Variants in PTP4A1 observed in about 807,000 individuals in gnomAD.
The protein encoded by PTP4A1 is protein tyrosine phosphatase 4A1.
A neutral mutation model predicts 20.5 loss-of-function variants in PTP4A1; 9 were observed. That is an observed-to-expected ratio of 0.44 (90% confidence interval 0.26 to 0.77). PTP4A1 has a LOEUF of 0.77. Ranked by LOEUF, PTP4A1 falls within the 30% of genes least tolerant of loss-of-function variation. The pLI, the probability that PTP4A1 is intolerant of heterozygous loss-of-function variation, is 0.19. For missense variants in PTP4A1, 137 were observed against 218.8 expected, an observed-to-expected ratio of 0.63 and a Z score of 2.36; for synonymous variants, 78 against 67.4, an observed-to-expected ratio of 1.16 and a Z score of -0.77.
chr6:63,565,149 A>G (rs1777134547), intron 3 of PTP4A1, among the ~76,000 whole-genome samples: 1 of 151,904 alleles, frequency 6.6e-6, no homozygotes. Context: ...GGGAGCTACA[A>G]CTACAGGAAT....
chr6:63,550,216 T>A lies in PTP4A1; in HGVS notation c.-639-84T>A, dbSNP rs570993479. On this transcript the variant is annotated intron_variant, in intron 2 of 3. Coordinates refer to the PTP4A1 transcript ENST00000639568. ...ACATAATAGATTCAAAACAAAATGCTTCATGAGCCCCTCCCTGGATTGCAA... is the reference window on the plus strand; with the variant it reads ...ACATAATAGATTCAAAACAAAATGCATCATGAGCCCCTCCCTGGATTGCAA... 3.3e-5 allele frequency: 5 copies of A among 152,242 alleles called. No individual in the cohort carries two copies. In the East Asian group the frequency reaches 9.6e-4, roughly 29 times the overall value. The allele number at this position is 152,242 out of a possible 1,614,324, so 9.4% of individuals were successfully genotyped here. A position where few individuals can be genotyped will look rare whatever the true frequency, so the allele number is the denominator to read the frequency against.
intron 3 of PTP4A1, among the ~76,000 whole-genome samples, chr6:63,565,562 T>C (rs1380429731): frequency 1.3e-5 from 2 of 152,240 alleles, no homozygotes. Context: ...AGGATTCATT[T>C]ATTAATATAA....
At chr6:63,550,456 C>G (rs984008262) in exon 3 of PTP4A1, 1 of 152,094 alleles carries the variant, frequency 6.6e-6, no homozygotes, top group Non-Finnish European at 1.5e-5. Context: ...GTTCTTCAGA[C>G]GACTCTACCT....
At chr6:63,552,389 T>G (rs1405066771) in intron 3 of PTP4A1, among the ~76,000 whole-genome samples, 1 of 152,212 alleles carries the variant, frequency 6.6e-6, no homozygotes, top group East Asian at 1.9e-4. Context: ...TTGTTTGTTT[T>G]TTTCTTGTAA....
At chr6:63,533,970 A>T (rs1170097365) in intron 2 of PTP4A1, among the ~76,000 whole-genome samples, 1 of 151,900 alleles carries the variant, frequency 6.6e-6, no homozygotes, top group Non-Finnish European at 1.5e-5. Context: ...CAGCCTCCCG[A>T]GTAGCTGGAA....
chr6:63,531,600 C>T (rs2149477845), intron 2 of PTP4A1, among the ~76,000 whole-genome samples: 1 of 150,396 alleles, frequency 6.6e-6, no homozygotes, highest in South Asian at 2.1e-4. Flanking sequence ...GGCAATCTTC[C>T]TCTCTCATCC....
At chr6:63,553,303 A>G (rs1431675270) in intron 3 of PTP4A1, among the ~76,000 whole-genome samples, 3 of 152,180 alleles carry the variant, frequency 2.0e-5, no homozygotes, top group African/African-American at 7.2e-5. Flanking sequence ...TCAGGACCAT[A>G]AAGTAACAGG....
intron 2 of PTP4A1, among the ~76,000 whole-genome samples, chr6:63,539,530 C>A (rs1198307700): frequency 6.6e-6 from 1 of 152,144 alleles, no homozygotes; most frequent in Admixed American, 6.6e-5. Flanking sequence ...GTAATCCCAG[C>A]ACTTTGGGAG....
chr6:63,580,454 T>TA lies in PTP4A1; in HGVS notation c.*281dup, dbSNP rs1778156251. ...TTCCCCAAATCATGCAGTATTGAGT[T>TA]ATGACTTGTTAAATCTATTCCCATG... On this transcript the variant is annotated 3_prime_UTR_variant, in exon 6 of 6. Coordinates refer to ENST00000626021, the MANE Select transcript of PTP4A1 (RefSeq NM_003463.5). 6.8e-6 allele frequency: 2 copies of TA among 293,148 alleles called. No individual in the cohort carries two copies. The highest frequency in any genetic ancestry group is 1.3e-5 in the Non-Finnish European group (2 of 153,712). The allele number at this position is 293,148 out of a possible 1,614,324, so 18.2% of individuals were successfully genotyped here.
chr6:63,547,615 C>A (rs1448472825), intron 2 of PTP4A1, among the ~76,000 whole-genome samples: 2 of 150,412 alleles, frequency 1.3e-5, no homozygotes, highest in Admixed American at 1.3e-4. Flanking sequence ...ATTCCATTCT[C>A]CTGCCTCAGC....
chr6:63,574,291 T>C (rs1316469999), intron 1 of PTP4A1, among the ~76,000 whole-genome samples: 1 of 152,226 alleles, frequency 6.6e-6, no homozygotes, highest in East Asian at 1.9e-4. Context: ...TGATTTAAGC[T>C]TCTGCACAGA....
At chr6:63,568,099 A>G (rs1326665715), upstream of PTP4A1, among the ~76,000 whole-genome samples, 1 of 152,204 alleles carries the variant, frequency 6.6e-6, no homozygotes, top group Non-Finnish European at 1.5e-5. Flanking sequence ...CTTATCAACA[A>G]TGAGGCTGTT....
At chr6:63,535,964 T>C (rs1310455749) in intron 2 of PTP4A1, among the ~76,000 whole-genome samples, 1 of 152,098 alleles carries the variant, frequency 6.6e-6, no homozygotes, top group Non-Finnish European at 1.5e-5. Context: ...GTAGAGACAG[T>C]GTTTCACTGT....
intron 2 of PTP4A1, chr6:63,548,986 G>A: frequency 1.4e-6 from 1 of 734,462 alleles, no homozygotes. Context: ...CGCATTTTAT[G>A]ACACAGGGCA....
chr6:63,535,538 ATAAC>A (rs537839623), intron 2 of PTP4A1, among the ~76,000 whole-genome samples: 8 of 152,364 alleles, frequency 5.3e-5, no homozygotes, highest in Middle Eastern at 3.4e-3. Flanking sequence ...CATTTATTCT[ATAAC>A]TAAAATTAGT....
In PTP4A1 at chr6:63,547,726, T is replaced by C. The variant is rs962313694; in HGVS notation, c.-639-2574T>C. Among the ~76,000 whole-genome samples the C allele has an allele frequency of 2.0e-5, 3 of 147,312 alleles. No homozygotes were observed. In the Admixed American group the frequency reaches 2.0e-4, roughly 10 times the overall value. Reference sequence around the variant, plus strand: ...CGGGGTTTCACCATGTTAGCCAGGATGGTCTCGATCTCCTGACCTCATGAT... The same window carrying C: ...CGGGGTTTCACCATGTTAGCCAGGACGGTCTCGATCTCCTGACCTCATGAT... On this transcript the variant is annotated intron_variant, in intron 2 of 3. Transcript: ENST00000639568.
At chr6:63,533,034 G>A (rs575929246) in intron 2 of PTP4A1, among the ~76,000 whole-genome samples, 2 of 152,256 alleles carry the variant, frequency 1.3e-5, no homozygotes, top group East Asian at 3.9e-4. Context: ...CCTGACAGAG[G>A]CATCAAAATC....
intron 2 of PTP4A1, among the ~76,000 whole-genome samples, chr6:63,547,033 G>C (rs1189119832): frequency 6.6e-6 from 1 of 152,054 alleles, no homozygotes; most frequent in African/African-American, 2.4e-5. Context: ...AGTAGTGATA[G>C]ATGGTTTTCA....
At chr6:63,561,111 A>C (rs1193399764) in intron 3 of PTP4A1, among the ~76,000 whole-genome samples, 1 of 152,220 alleles carries the variant, frequency 6.6e-6, no homozygotes, top group Non-Finnish European at 1.5e-5. Flanking sequence ...GAGCATAAGA[A>C]AGTAAATAAC....
Sources: gnomAD v4.1 joint callset for allele counts (sites outside exome capture counted in the v4.1 genomes callset) on GRCh38, gnomAD v4.1.1 for gene constraint, MANE v1.5 for transcripts, NCBI Gene and HGNC (gene_info 2026-07-23, HGNC 2026-07-21) for gene names.